The following STXBP5L variants were observed in gnomAD, a reference collection of about 807,000 sequenced individuals.
STXBP5L encodes syntaxin-binding protein 5-like.
In STXBP5L, 65 loss-of-function variants were observed where a neutral mutation model predicts 144.5. That is an observed-to-expected ratio of 0.45 (90% CI 0.37 to 0.55). The LOEUF (loss-of-function observed/expected upper bound fraction) is 0.55, where lower values mean the gene tolerates loss of function less well. Among genes scored for constraint, STXBP5L ranks in the 20% least tolerant of loss-of-function variants. The pLI is 0.00. For synonymous variants in STXBP5L, 505 were observed against 469.6 expected, an observed-to-expected ratio of 1.08 and a Z score of -0.97; for missense variants, 1,298 against 1,405.5, an observed-to-expected ratio of 0.92 and a Z score of 1.22.
At position 121,216,356 on chromosome 3, in the gene STXBP5L, T is replaced by C. The variant is rs552550881; in HGVS notation, c.957-6647T>C. ...ACCTTTGGTCTTGGTGACCTTCGGA[T>C]GGGGTTTTTGTGTGGATGTCCTTTT... On this transcript the variant is annotated intron_variant, in intron 10 of 26. Transcript: ENST00000471454. Among the ~76,000 whole-genome samples, 71 of 152,298 alleles carry C rather than the reference T, an allele frequency of 4.7e-4. No homozygotes were observed. The South Asian group carries it at 9.7e-3, about 21-fold the overall frequency.
intron 24 of STXBP5L, among the ~76,000 whole-genome samples, chr3:121,414,008 T>C (rs2047178188): frequency 6.6e-6 from 1 of 152,206 alleles, no homozygotes; most frequent in African/African-American, 2.4e-5. Flanking sequence ...AACCTATCTG[T>C]ACACTCTACT....
chr3:120,933,850 C>T (rs756022139), intron 2 of STXBP5L, among the ~76,000 whole-genome samples: 4 of 151,960 alleles, frequency 2.6e-5, no homozygotes, highest in Non-Finnish European at 5.9e-5. Context: ...AGTAGCAAAA[C>T]GAATTCAATA....
chr3:120,984,755 TC>T (rs1197921260), intron 3 of STXBP5L, among the ~76,000 whole-genome samples: 1 of 151,632 alleles, frequency 6.6e-6, no homozygotes, highest in African/African-American at 2.4e-5. Context: ...AGAAGAGTTT[TC>T]AGTCTTTCAC....
chr3:121,308,743 G>A (rs2043424242), intron 19 of STXBP5L, among the ~76,000 whole-genome samples: 1 of 151,898 alleles, frequency 6.6e-6, no homozygotes, highest in Admixed American at 6.6e-5. Context: ...ATAAATATAT[G>A]CTTGTTCTTC....
At chr3:121,255,247 AATT>A (rs1216702532) in intron 16 of STXBP5L, 135 bp downstream of exon 16, 1 of 583,372 alleles carries the variant, frequency 1.7e-6, no homozygotes. Context: ...CAGGATTTTA[AATT>A]ATTATTGTTA....
At chr3:121,344,385 C>T (rs918160554) in intron 20 of STXBP5L, among the ~76,000 whole-genome samples, 39 of 151,890 alleles carry the variant, frequency 2.6e-4, no homozygotes, top group Admixed American at 9.2e-4. Context: ...CAACAAAAGC[C>T]AAAATTGACA....
intron 18 of STXBP5L, among the ~76,000 whole-genome samples, chr3:121,278,247 G>A (rs1309659930): frequency 6.6e-6 from 1 of 151,866 alleles, no homozygotes; most frequent in African/African-American, 2.4e-5. Flanking sequence ...TATGTTGCCT[G>A]TTGACCAATA....
intron 20 of STXBP5L, 83 bp from the exon 21 acceptor site, chr3:121,378,633 T>TC: frequency 1.5e-6 from 2 of 1,370,168 alleles, no homozygotes; most frequent in Non-Finnish European, 1.9e-6. Context: ...TTGCTCATCT[T>TC]CATTTGTTAA....
At chr3:121,010,667 C>A (rs1191368979) in intron 3 of STXBP5L, among the ~76,000 whole-genome samples, 1 of 151,818 alleles carries the variant, frequency 6.6e-6, no homozygotes, top group Non-Finnish European at 1.5e-5. Flanking sequence ...GCAAGCCATA[C>A]TAATAACATA....
chr3:121,218,500 GGACA>G (rs1254675847), intron 10 of STXBP5L, among the ~76,000 whole-genome samples: 57 of 151,564 alleles, frequency 3.8e-4, no homozygotes, highest in African/African-American at 1.4e-3. Flanking sequence ...GTAGAGGCAA[GGACA>G]TAAACTAGTG....
At chr3:121,371,725 C>G (rs1422689781) in intron 20 of STXBP5L, among the ~76,000 whole-genome samples, 2 of 152,136 alleles carry the variant, frequency 1.3e-5, no homozygotes, top group South Asian at 2.1e-4. Flanking sequence ...TGTGTGTGCC[C>G]TCTGTGCATA....
At chr3:121,308,310 A>T (rs937162669) in intron 19 of STXBP5L, among the ~76,000 whole-genome samples, 11 of 152,244 alleles carry the variant, frequency 7.2e-5, no homozygotes, top group Non-Finnish European at 1.5e-5. Flanking sequence ...GTATTTTTCA[A>T]AAATGTAGGT....
chr3:120,927,580 C>T (rs1162077006), intron 2 of STXBP5L, among the ~76,000 whole-genome samples: 1 of 152,178 alleles, frequency 6.6e-6, no homozygotes, highest in Admixed American at 6.5e-5. Flanking sequence ...AAGTAGAAAT[C>T]ATGAGTTGGG....
chr3:121,345,936 T>C (rs1012915257), intron 20 of STXBP5L, among the ~76,000 whole-genome samples: 6 of 152,038 alleles, frequency 3.9e-5, no homozygotes, highest in Non-Finnish European at 8.8e-5. Flanking sequence ...TCTTCTAGTT[T>C]TGTTTCTTTT....
intron 20 of STXBP5L, among the ~76,000 whole-genome samples, chr3:121,345,866 C>T (rs192240631): frequency 1.0e-3 from 157 of 152,032 alleles, no homozygotes; most frequent in Non-Finnish European, 1.3e-3. Flanking sequence ...TGTCACCTGC[C>T]TCCTTCCCTA....
At chr3:121,347,910 C>A (rs554127185) in intron 20 of STXBP5L, among the ~76,000 whole-genome samples, 1 of 152,260 alleles carries the variant, frequency 6.6e-6, no homozygotes, top group East Asian at 1.9e-4. Context: ...CAAACAGGGA[C>A]AATTTGACTT....
intron 7 of STXBP5L, among the ~76,000 whole-genome samples, chr3:121,125,195 G>A (rs531458120): frequency 1.1e-4 from 16 of 152,196 alleles, no homozygotes; most frequent in East Asian, 3.9e-4. Context: ...ATGGTTGGGC[G>A]CAGTGGCTCA....
chr3:121,106,247 T>A (rs1007915485), intron 5 of STXBP5L, among the ~76,000 whole-genome samples: 10 of 152,196 alleles, frequency 6.6e-5, no homozygotes, highest in South Asian at 2.1e-4. Context: ...AATACATTTT[T>A]AAAAATTTAA....
chr3:121,322,165 G>A (rs1461230622), intron 20 of STXBP5L, among the ~76,000 whole-genome samples: 2 of 152,142 alleles, frequency 1.3e-5, no homozygotes, highest in Non-Finnish European at 2.9e-5. Context: ...CCATCCAGCT[G>A]CATCCATGTT....
Sources: gnomAD v4.1 joint callset for allele counts (sites outside exome capture counted in the v4.1 genomes callset) on GRCh38, gnomAD v4.1.1 for gene constraint, MANE v1.5 for transcripts, NCBI Gene and HGNC (gene_info 2026-07-23, HGNC 2026-07-21) for gene names.